The following GGT7 variants were observed in gnomAD, a reference collection of about 807,000 sequenced individuals.
GGT7 encodes the protein glutathione hydrolase 7.
Under a neutral mutation model 69.2 loss-of-function variants are expected in GGT7, and 30 were observed. The ratio of observed to expected loss-of-function variants is 0.43; its 90% CI spans 0.32 to 0.59. The LOEUF (loss-of-function observed/expected upper bound fraction) is 0.59, where lower values mean the gene tolerates loss of function less well. Ranked by LOEUF, GGT7 falls within the 20% of genes least tolerant of loss-of-function variation. The pLI is 0.05. For synonymous variants in GGT7, 388 were observed against 391.8 expected (o/e 0.99, Z 0.12); for missense variants, 733 against 901.1 (o/e 0.81, Z 2.39).
At position 34,845,144 on chromosome 20, in the gene GGT7, A is replaced by ACCACCACCACCACCCCCACCCCCC; in HGVS notation, c.*183_*184insGGGGGGTGGGGGTGGTGGTGGTGG. On this transcript the variant is annotated 3_prime_UTR_variant, in exon 15 of 15. Coordinates refer to ENST00000336431, the MANE Select transcript of GGT7 (RefSeq NM_178026.3). ...CACCACCACCACCACCACCACCACCACCACCACCACAGGCCTCCTGATGGA... is the reference window on the plus strand; with the variant it reads ...CACCACCACCACCACCACCACCACCACCACCACCACCACCCCCACCCCCCCCACCACCACAGGCCTCCTGATGGA... 3.2e-6 allele frequency: 1 copy of ACCACCACCACCACCCCCACCCCCC among 309,680 alleles called. No individual in the cohort carries two copies. The highest frequency in any genetic ancestry group is 2.6e-5 in the South Asian group (1 of 37,868). The allele number at this position is 309,680 out of a possible 1,614,324, so 19.2% of individuals were successfully genotyped here. A position where few individuals can be genotyped will look rare whatever the true frequency, so the allele number is the denominator to read the frequency against.
rs56219337 is a variant in GGT7, at chr20:34,855,814, T to TGTGTGTGTGTGTGTGTGTGTGTGTGA, written c.1103-892_1103-891insTCACACACACACACACACACACACAC. Among the ~76,000 whole-genome samples, 867 of 144,534 alleles carry TGTGTGTGTGTGTGTGTGTGTGTGTGA rather than the reference T, an allele frequency of 6.0e-3. 7 individuals are homozygous for TGTGTGTGTGTGTGTGTGTGTGTGTGA. Among genetic ancestry groups the TGTGTGTGTGTGTGTGTGTGTGTGTGA allele is most frequent in the Middle Eastern group, 0.021 (6 of 284 alleles). The allele number at this position is 144,534 out of a possible 152,430, so 94.8% of individuals were successfully genotyped here. On this transcript the variant is annotated intron_variant, in intron 8 of 14. Transcript: ENST00000336431. ...CTGTGTGTGTGTGTGTGTGTGTGTGTGATAATGGTCTCACTCTGTCACCCA... is the reference window on the plus strand; with the variant it reads ...CTGTGTGTGTGTGTGTGTGTGTGTGTGTGTGTGTGTGTGTGTGTGTGTGTGAGATAATGGTCTCACTCTGTCACCCA...
chr20:34,849,536 T>A (rs1013378708), intron 14 of GGT7, among the ~76,000 whole-genome samples: 2 of 152,204 alleles, frequency 1.3e-5, no homozygotes, highest in Non-Finnish European at 2.9e-5. Flanking sequence ...GAGTCCGTCC[T>A]ATTATATCAC....
intron 7 of GGT7, among the ~76,000 whole-genome samples, chr20:34,858,832 G>T (rs1403874155): frequency 6.6e-6 from 1 of 152,152 alleles, no homozygotes; most frequent in East Asian, 1.9e-4. Context: ...CCCTGCACAG[G>T]CTGGCATCAC....
At chr20:34,855,301 A>G (rs748275754) in intron 8 of GGT7, among the ~76,000 whole-genome samples, 3 of 152,150 alleles carry the variant, frequency 2.0e-5, no homozygotes, top group Non-Finnish European at 4.4e-5. Context: ...AGGCCAGGAT[A>G]TTATCCATGA....
At chr20:34,856,774 G>C in intron 8 of GGT7, 32 bp downstream of exon 8, 1 of 1,307,108 alleles carries the variant, frequency 7.7e-7, no homozygotes, top group Non-Finnish European at 1.1e-6. Flanking sequence ...CTTCTCCTGA[G>C]GGGGGACCCT....
In GGT7 at chr20:34,845,410, T is replaced by C. The variant is rs1295035332; in HGVS notation, c.1907A>G (p.His636Arg). The change falls in exon 15 of 15, where the codon CAT becomes CGT. Residue 636 changes from histidine to arginine, a missense_variant. His to Arg is a conservative substitution (Grantham distance 29). Transcript: ENST00000336431. ...GAAGTTGTTGGTCCTTCGGCTGCCATGGACCCAGGATAAGACATCTACTTT... is the reference window on the plus strand; with the variant it reads ...GAAGTTGTTGGTCCTTCGGCTGCCACGGACCCAGGATAAGACATCTACTTT... Reference protein sequence around the residue: ...VEKVDVLSWVHGSRRTNNFII... With the variant: ...VEKVDVLSWVRGSRRTNNFII... 1.2e-6 allele frequency: 2 copies of C among 1,614,130 alleles called. No homozygotes were observed. Among genetic ancestry groups the C allele is most frequent in the Non-Finnish European group, 1.7e-6 (2 of 1,179,950 alleles).
rs1347845813 is a variant in GGT7, at chr20:34,854,556, T to A, written c.1294A>T (p.Thr432Ser). ...CTGAGCATGTCATCCATGCTCTCAGTGATGGTAGAATCATAGACGGGATCT... is the reference window on the plus strand; with the variant it reads ...CTGAGCATGTCATCCATGCTCTCAGAGATGGTAGAATCATAGACGGGATCT... ...LGDPVYDSTITESMDDMLSKV... is the reference protein window; with the variant it reads ...LGDPVYDSTISESMDDMLSKV... Residue 432 changes from threonine (T) to serine (S), a missense_variant, in exon 10 of 15, where the codon ACT (threonine) becomes TCT (serine). Coordinates refer to ENST00000336431, the MANE Select transcript of GGT7 (RefSeq NM_178026.3). 4 of 1,612,342 alleles carry A rather than the reference T, an allele frequency of 2.5e-6. No homozygotes were observed. Among genetic ancestry groups the A allele is most frequent in the Non-Finnish European group, 3.4e-6 (4 of 1,178,614 alleles).
At chr20:34,857,912 C>T (rs1043007235) in intron 7 of GGT7, among the ~76,000 whole-genome samples, 1 of 152,180 alleles carries the variant, frequency 6.6e-6, no homozygotes, top group African/African-American at 2.4e-5. Flanking sequence ...CCACCATGGC[C>T]TGGCCCATTT....
intron 1 of GGT7, among the ~76,000 whole-genome samples, chr20:34,867,704 C>A (rs2079715662): frequency 6.6e-6 from 1 of 151,968 alleles, no homozygotes; most frequent in South Asian, 2.1e-4. Flanking sequence ...AACCCTATCT[C>A]AAAAAATTTA....
rs112039767 is a variant in GGT7, at chr20:34,862,160, C to T, written c.558-598G>A. Among the ~76,000 whole-genome samples, 969 of 152,260 alleles carry T rather than the reference C, an allele frequency of 6.4e-3. 7 individuals are homozygous for T. The highest frequency in any genetic ancestry group is 0.022 in the African/African-American group (895 of 41,544). The stretch of plus-strand genomic sequence containing the variant: ...AGAGAAGAGGAAGTGGTAGAAACTA[C>T]GGCAAACTGGACAGTGCATGCCCAT... On this transcript the variant is annotated intron_variant, in intron 3 of 14. Coordinates refer to ENST00000336431, the MANE Select transcript of GGT7 (RefSeq NM_178026.3).
At chr20:34,846,930 G>GT (rs2079313818) in intron 14 of GGT7, among the ~76,000 whole-genome samples, 1 of 151,890 alleles carries the variant, frequency 6.6e-6, no homozygotes, top group Non-Finnish European at 1.5e-5. Context: ...TTTCTGCCTG[G>GT]AATGCTCTCC....
In GGT7 at chr20:34,845,326, C is replaced by T; in HGVS notation, c.*2G>A. 1 of 1,612,712 alleles carries T rather than the reference C, an allele frequency of 6.2e-7. No individual in the cohort carries two copies. The highest frequency in any genetic ancestry group is 8.5e-7 in the Non-Finnish European group (1 of 1,179,322). ...GCAGAGACCCCGCCCCACCCCGCTG[C>T]TCTACAGGATGGTGGCTCCAGCTGC... On this transcript the variant is annotated 3_prime_UTR_variant, in exon 15 of 15. Coordinates refer to ENST00000336431, the MANE Select transcript of GGT7 (RefSeq NM_178026.3).
intron 1 of GGT7, among the ~76,000 whole-genome samples, chr20:34,865,271 G>A (rs2079671185): frequency 6.6e-6 from 1 of 152,278 alleles, no homozygotes; most frequent in South Asian, 2.1e-4. Flanking sequence ...TGCAACCTCT[G>A]CCTCCCAGGC....
rs1266439744 is a variant in GGT7 at position 34,863,060 on chromosome 20, T to TCGAAG, written c.406-100_406-96dup. ...CCTAGAACTCTACGCGGCATGAAGG[T>TCGAAG]CGAAGCCCTGCCCCCTTGTTGCCTT... is the stretch of plus-strand genomic sequence containing the variant. On this transcript the variant is annotated intron_variant, in intron 2 of 14. Transcript: ENST00000336431. This position sits in a 1 kb window ranked among gnomAD's most constrained non-coding sequence, Gnocchi z 4.4. 4 of 1,228,782 alleles carry TCGAAG rather than the reference T, an allele frequency of 3.3e-6. No individual in the cohort carries two copies. Among genetic ancestry groups the TCGAAG allele is most frequent in the Non-Finnish European group, 4.6e-6 (4 of 876,230 alleles). The allele number at this position is 1,228,782 out of a possible 1,614,324, so 76.1% of individuals were successfully genotyped here. A position where few individuals can be genotyped will look rare whatever the true frequency, so the allele number is the denominator to read the frequency against.
intron 1 of GGT7, among the ~76,000 whole-genome samples, chr20:34,869,163 A>ATATATAT (rs1555876554): frequency 6.7e-6 from 1 of 149,828 alleles, no homozygotes; most frequent in African/African-American, 2.5e-5. Flanking sequence ...TAAATAAATA[A>ATATATAT]ATATATATAT....
At chr20:34,860,637 CTTTTTTTTTTTTTT>C (rs533561120) in intron 4 of GGT7, among the ~76,000 whole-genome samples, 4 of 113,888 alleles carry the variant, frequency 3.5e-5, no homozygotes, top group African/African-American at 1.3e-4. Context: ...CAACCCCTGC[CTTTTTTTTTTTTTT>C]TTTTTTTTTT....
chr20:34,863,470 G>A lies in GGT7; in HGVS notation c.248C>T (p.Ser83Leu). ...GTCTTTGCGCGTCTCGCGTAGCGGC[G>A]ACCCGTCTTGGCTGCCCATCTCCGA... is the stretch of plus-strand genomic sequence containing the variant. The part of the protein sequence containing the change: ...SSSEMGSQDG[S>L]PLRETRKDPF... The change falls in exon 2 of 15, where the codon TCG becomes TTG. Residue 83 changes from serine to leucine, a missense_variant. By Grantham distance (145) the Ser-to-Leu change is moderately radical. Coordinates refer to ENST00000336431, the MANE Select transcript of GGT7 (RefSeq NM_178026.3). The surrounding 1 kb of genome is among the most constrained non-coding windows in gnomAD (Gnocchi z 4.4). 2 of 1,609,656 alleles carry A rather than the reference G, an allele frequency of 1.2e-6. No homozygotes were observed. The highest frequency in any genetic ancestry group is 1.7e-6 in the Non-Finnish European group (2 of 1,178,556).
At chr20:34,848,494 A>AGTTATTTGG (rs2079334383) in intron 14 of GGT7, among the ~76,000 whole-genome samples, 2 of 152,354 alleles carry the variant, frequency 1.3e-5, no homozygotes, top group South Asian at 4.1e-4. Flanking sequence ...CTTAGCACAG[A>AGTTATTTGG]GCCTCACATT....
chr20:34,862,731 AAGTT>A (rs1431287282), intron 3 of GGT7, 79 bp downstream of exon 3: 12 of 1,365,832 alleles, frequency 8.8e-6, no homozygotes, highest in South Asian at 1.2e-5. Context: ...CCCTCTCCCT[AAGTT>A]AGGAGTGCTG....
Sources: gnomAD v4.1 joint callset for allele counts (sites outside exome capture counted in the v4.1 genomes callset) on GRCh38, gnomAD v4.1.1 for gene constraint, Gnocchi (gnomAD v3.1) non-coding constraint, MANE v1.5 for transcripts, NCBI Gene and HGNC (gene_info 2026-07-23, HGNC 2026-07-21) for gene names.